Variants in TENM3 observed in about 807,000 individuals in gnomAD.
TENM3 encodes the protein teneurin transmembrane protein 3.
TENM3 carries 63 observed loss-of-function variants against 255.1 expected under a neutral mutation model. That is an observed-to-expected ratio of 0.25 (90% CI 0.20 to 0.30). The LOEUF (loss-of-function observed/expected upper bound fraction) is 0.30. Ranked by LOEUF, TENM3 falls within the 10% of genes least tolerant of loss-of-function variation. The pLI is 1.00. For missense variants in TENM3, 2,929 were observed against 3,461.1 expected (o/e 0.85, Z 3.86); for synonymous variants, 1,306 against 1,322.3 (o/e 0.99, Z 0.27).
At chr4:182,325,379 G>C (rs956789812) in intron 2 of TENM3, among the ~76,000 whole-genome samples, 3 of 152,066 alleles carry the variant, frequency 2.0e-5, no homozygotes, top group Non-Finnish European at 4.4e-5. Flanking sequence ...ACCCAAGCCG[G>C]TTTACATCAA....
the TENM3 span, among the ~76,000 whole-genome samples, chr4:181,892,252 C>T: frequency 6.6e-6 from 1 of 152,200 alleles, no homozygotes; most frequent in Non-Finnish European, 1.5e-5. Context: ...TCTCTCCCAT[C>T]CCACACTCAG....
intron 3 of TENM3, among the ~76,000 whole-genome samples, chr4:182,469,713 CA>C (rs397964405): frequency 0.019 from 1,944 of 104,922 alleles, 10 homozygotes; most frequent in African/African-American, 0.035. Context: ...GACTCTGTCT[CA>C]AAAAAAAAAA....
At chr4:182,746,595 G>A (rs1762028555) in intron 19 of TENM3, among the ~76,000 whole-genome samples, 1 of 152,108 alleles carries the variant, frequency 6.6e-6, no homozygotes, top group Non-Finnish European at 1.5e-5. Context: ...AGACAGTGGG[G>A]ACCCATTTTA....
chr4:182,745,586 C>T lies in TENM3; in HGVS notation c.3629+2167C>T, dbSNP rs116901868. Reference sequence around the variant, plus strand: ...AGCAACCCCTCAGGGTTATAAGTGACGTAGTAGAGGCTCCAGGAGATTATG... The same window carrying T: ...AGCAACCCCTCAGGGTTATAAGTGATGTAGTAGAGGCTCCAGGAGATTATG... On this transcript the variant is annotated intron_variant, in intron 19 of 27. Transcript: ENST00000511685. Among the ~76,000 whole-genome samples, 654 of 152,222 alleles carry T rather than the reference C, an allele frequency of 4.3e-3. 14 individuals carry two copies. Among genetic ancestry groups the T allele is most frequent in the Admixed American group, 0.03 (453 of 15,276 alleles).
intron 4 of TENM3, among the ~76,000 whole-genome samples, chr4:182,614,788 A>G (rs1749319691): frequency 6.6e-6 from 1 of 151,176 alleles, no homozygotes; most frequent in African/African-American, 2.4e-5. Context: ...CTTTAACTCT[A>G]ACAATGAGAA....
chr4:182,386,797 C>G (rs899685323), intron 3 of TENM3, among the ~76,000 whole-genome samples: 2 of 152,236 alleles, frequency 1.3e-5, no homozygotes, highest in Non-Finnish European at 2.9e-5. Context: ...GCGGGGCAGG[C>G]CTCCGGACTG....
the TENM3 span, among the ~76,000 whole-genome samples, chr4:181,543,360 G>T: frequency 6.6e-6 from 1 of 152,140 alleles, no homozygotes; most frequent in Non-Finnish European, 1.5e-5. Flanking sequence ...GGAGGAGGAG[G>T]AGTAGGAGGA....
chr4:182,175,183 T>A (rs1037273476), intron 1 of TENM3, among the ~76,000 whole-genome samples: 1 of 152,074 alleles, frequency 6.6e-6, no homozygotes, highest in South Asian at 2.1e-4. Flanking sequence ...ATGATTTTTT[T>A]AAAGAGATTT....
chr4:181,558,518 C>T, the TENM3 span, among the ~76,000 whole-genome samples: 1 of 152,240 alleles, frequency 6.6e-6, no homozygotes, highest in Non-Finnish European at 1.5e-5. Context: ...CTTATGAATA[C>T]TCCCTTTCAC....
the TENM3 span, among the ~76,000 whole-genome samples, chr4:181,537,485 A>C: frequency 6.6e-6 from 1 of 152,258 alleles, no homozygotes; most frequent in Non-Finnish European, 1.5e-5. Flanking sequence ...GTCTGAGTTA[A>C]TAAAAAGGCT....
chr4:182,347,716 T>G (rs1414451359), intron 3 of TENM3, among the ~76,000 whole-genome samples: 2 of 152,210 alleles, frequency 1.3e-5, no homozygotes, highest in Admixed American at 6.5e-5. Flanking sequence ...AAAACTTAAT[T>G]TTTAGTCAGT....
chr4:182,278,666 A>C (rs1401680807), intron 1 of TENM3, among the ~76,000 whole-genome samples: 1 of 107,838 alleles, frequency 9.3e-6, no homozygotes, highest in Non-Finnish European at 1.7e-5. Context: ...CCCAGTGTGC[A>C]AAAAAAAAAA....
At chr4:181,539,005 G>A in the TENM3 span, among the ~76,000 whole-genome samples, 1 of 152,134 alleles carries the variant, frequency 6.6e-6, no homozygotes, top group Non-Finnish European at 1.5e-5. Context: ...TATGCAGAGG[G>A]TACAAATCTT....
At chr4:181,552,308 G>T in the TENM3 span, among the ~76,000 whole-genome samples, 2 of 152,122 alleles carry the variant, frequency 1.3e-5, no homozygotes, top group Non-Finnish European at 2.9e-5. Context: ...GCATGATTAA[G>T]TCTATTGAGA....
the TENM3 span, among the ~76,000 whole-genome samples, chr4:181,918,837 T>C: frequency 1.3e-5 from 2 of 152,120 alleles, no homozygotes; most frequent in African/African-American, 4.8e-5. Context: ...AGAAAAAGTA[T>C]CAGAAATGGA....
intron 22 of TENM3, 162 bp downstream of exon 22, chr4:182,755,421 A>C: frequency 1.5e-6 from 1 of 646,682 alleles, no homozygotes; most frequent in East Asian, 2.9e-5. Context: ...TCATTCCCGT[A>C]GTCTCAGCTC....
rs550289291 is a variant in TENM3, at chr4:182,719,626, C to G, written c.2368+5393C>G. Among the ~76,000 whole-genome samples the G allele has an allele frequency of 5.5e-4, 84 of 152,128 alleles. 2 individuals are homozygous for G. Among genetic ancestry groups the G allele is most frequent in the African/African-American group, 1.9e-3 (77 of 41,502 alleles). On this transcript the variant is annotated intron_variant, in intron 13 of 27. Transcript: ENST00000511685. ...GTATATCAGGAAGATGTACCTAAAACAGGCCATTTTTTCAAGCCTCTAGGG... is the reference window on the plus strand; with the variant it reads ...GTATATCAGGAAGATGTACCTAAAAGAGGCCATTTTTTCAAGCCTCTAGGG...
chr4:181,532,026 G>A, the TENM3 span, among the ~76,000 whole-genome samples: 1 of 152,160 alleles, frequency 6.6e-6, no homozygotes. Context: ...AATTAGATGG[G>A]GAGAAAAATA....
the TENM3 span, among the ~76,000 whole-genome samples, chr4:181,520,021 C>T: frequency 2.6e-5 from 4 of 152,340 alleles, no homozygotes; most frequent in South Asian, 6.2e-4. Context: ...ACATGGAACT[C>T]AGGCCTGTGA....
Sources: allele counts gnomAD v4.1 joint callset (sites outside exome capture counted in the v4.1 genomes callset), GRCh38; gene constraint gnomAD v4.1.1; transcripts MANE v1.5; gene names NCBI Gene and HGNC (gene_info 2026-07-23, HGNC 2026-07-21).